The following SNTG1 variants were observed in gnomAD, a reference collection of about 807,000 sequenced individuals.
The protein encoded by SNTG1 is syntrophin gamma 1.
In SNTG1, 39 loss-of-function variants were observed where a neutral mutation model predicts 74.7. The ratio of observed to expected loss-of-function variants is 0.52; its 90% CI spans 0.40 to 0.68. The LOEUF is 0.68. Among genes scored for constraint, SNTG1 ranks in the 30% least tolerant of loss-of-function variants. The probability of loss-of-function intolerance (pLI) is 0.00; values close to 1 mark genes in which losing one functional copy is unlikely to be tolerated. For missense variants in SNTG1, 685 were observed against 609.5 expected (o/e 1.12, Z -1.30); for synonymous variants, 254 against 217.1 (o/e 1.17, Z -1.49).
chr8:50,428,674 C>A (rs548566216), intron 4 of SNTG1, among the ~76,000 whole-genome samples: 1 of 152,206 alleles, frequency 6.6e-6, no homozygotes, highest in South Asian at 2.1e-4. Flanking sequence ...AACCCAAAAC[C>A]CTGAGAGCTT....
chr8:50,130,870 T>G (rs1297165516), intron 1 of SNTG1, among the ~76,000 whole-genome samples: 1 of 152,058 alleles, frequency 6.6e-6, no homozygotes, highest in African/African-American at 2.4e-5. Flanking sequence ...CAGTATCATT[T>G]AGGATGGGAA....
intron 13 of SNTG1, among the ~76,000 whole-genome samples, chr8:50,611,894 A>G (rs2094852632): frequency 6.6e-6 from 1 of 152,050 alleles, no homozygotes; most frequent in Non-Finnish European, 1.5e-5. Flanking sequence ...AGCCTCCTCC[A>G]TAGCTGGGAC....
At chr8:50,568,414 T>A (rs948205769) in intron 12 of SNTG1, among the ~76,000 whole-genome samples, 18 of 152,218 alleles carry the variant, frequency 1.2e-4, no homozygotes, top group Middle Eastern at 3.4e-3. Context: ...TTGAGGAACC[T>A]CCCTACAGTT....
chr8:49,972,062 A>G (rs1455962643), intron 1 of SNTG1, among the ~76,000 whole-genome samples: 1 of 152,198 alleles, frequency 6.6e-6, no homozygotes, highest in Non-Finnish European at 1.5e-5. Context: ...TGCTAAGTCA[A>G]TCCTAAGCCA....
At chr8:49,934,425 TGGTATTTTCAAATTA>T (rs1288300476) in intron 1 of SNTG1, among the ~76,000 whole-genome samples, 2 of 152,116 alleles carry the variant, frequency 1.3e-5, no homozygotes, top group Non-Finnish European at 2.9e-5. Flanking sequence ...TATAATAGAA[TGGTATTTTCAAATTA>T]GGCAATTCAC....
chr8:50,587,319 G>A lies in SNTG1; in HGVS notation c.811-3560G>A, dbSNP rs1011249427. On this transcript the variant is annotated intron_variant, in intron 12 of 18. Coordinates refer to ENST00000642720, the MANE Select transcript of SNTG1 (RefSeq NM_018967.5). ...GAAATTAGAACATTTTGTAAGCATC[G>A]TATCTTATCAATCTTATCAATCTTA... Among the ~76,000 whole-genome samples, 16 of 151,416 alleles carry A rather than the reference G, an allele frequency of 1.1e-4. No homozygotes were observed. The East Asian group carries it at 1.4e-3, about 13-fold the overall frequency.
chr8:50,421,661 T>A (rs2093089192), intron 4 of SNTG1, among the ~76,000 whole-genome samples: 1 of 152,102 alleles, frequency 6.6e-6, no homozygotes, highest in African/African-American at 2.4e-5. Context: ...ATTGAGTTGC[T>A]CTGTTTCAAA....
intron 2 of SNTG1, among the ~76,000 whole-genome samples, chr8:50,301,281 A>G (rs2089633324): frequency 6.6e-6 from 1 of 152,036 alleles, no homozygotes; most frequent in South Asian, 2.1e-4. Context: ...GTGTGCTTTC[A>G]ACTGAGTGAT....
chr8:50,429,766 G>T (rs993014585), intron 4 of SNTG1, among the ~76,000 whole-genome samples: 3 of 152,014 alleles, frequency 2.0e-5, no homozygotes, highest in African/African-American at 7.2e-5. Flanking sequence ...TCCAGAAAGT[G>T]TAAAAAGTTC....
intron 5 of SNTG1, among the ~76,000 whole-genome samples, chr8:50,438,877 T>C (rs1395416457): frequency 6.6e-6 from 1 of 152,160 alleles, no homozygotes; most frequent in Non-Finnish European, 1.5e-5. Flanking sequence ...TTAAATATGA[T>C]GTCGTGTGCA....
intron 1 of SNTG1, among the ~76,000 whole-genome samples, chr8:50,103,369 G>A (rs946643426): frequency 2.0e-5 from 3 of 151,970 alleles, no homozygotes; most frequent in East Asian, 1.9e-4. Flanking sequence ...TTTGTCTGTT[G>A]TTGGTGTATA....
rs547310532 is a variant in SNTG1 at position 50,336,523 on chromosome 8, CA to C, written c.-27-57684del. On this transcript the variant is annotated intron_variant, in intron 2 of 18. Transcript: ENST00000642720. Reference sequence around the variant, plus strand: ...GTCTTTTTTTTCCTTATATTTTTAACAAAAACCTATTTATTTACATGCTGCA... The same window carrying C: ...GTCTTTTTTTTCCTTATATTTTTAACAAAACCTATTTATTTACATGCTGCA... Among the ~76,000 whole-genome samples, 908 of 152,140 alleles carry C rather than the reference CA, an allele frequency of 6.0e-3. 9 individuals carry two copies. The highest frequency in any genetic ancestry group is 7.5e-3 in the Non-Finnish European group (510 of 67,990).
intron 1 of SNTG1, among the ~76,000 whole-genome samples, chr8:50,073,091 G>A (rs1450439928): frequency 6.6e-6 from 1 of 152,086 alleles, no homozygotes; most frequent in Non-Finnish European, 1.5e-5. Flanking sequence ...TCAGTTGATT[G>A]TTCCTTTCAT....
At chr8:50,597,380 CACATATATACATATATACATATAT>C (rs58713973) in intron 13 of SNTG1, among the ~76,000 whole-genome samples, 19 of 131,442 alleles carry the variant, frequency 1.4e-4, no homozygotes, top group African/African-American at 2.4e-4. Context: ...TGTATATATA[CACATATATACATATATACATATAT>C]ACATATATAC....
intron 8 of SNTG1, among the ~76,000 whole-genome samples, chr8:50,500,838 A>G (rs1429360347): frequency 6.6e-6 from 1 of 152,136 alleles, no homozygotes; most frequent in Non-Finnish European, 1.5e-5. Context: ...AAGCTTTCCC[A>G]GGTCAGTGCT....
At chr8:50,047,359 A>G (rs1318777949) in intron 1 of SNTG1, among the ~76,000 whole-genome samples, 1 of 152,120 alleles carries the variant, frequency 6.6e-6, no homozygotes. Flanking sequence ...TTAGTTCAAC[A>G]TACAATCAAT....
intron 11 of SNTG1, among the ~76,000 whole-genome samples, chr8:50,548,366 A>T (rs1468078433): frequency 2.0e-5 from 3 of 152,182 alleles, no homozygotes; most frequent in African/African-American, 7.2e-5. Context: ...TCAGAAAAAT[A>T]ATAAGGTAAT....
intron 9 of SNTG1, among the ~76,000 whole-genome samples, chr8:50,518,250 G>T (rs1193016821): frequency 4.6e-5 from 7 of 152,110 alleles, no homozygotes; most frequent in Admixed American, 1.3e-4. Flanking sequence ...TAAGTTCTTT[G>T]AAACCAATGA....
At chr8:50,262,477 C>T (rs769125145) in intron 2 of SNTG1, among the ~76,000 whole-genome samples, 7 of 152,178 alleles carry the variant, frequency 4.6e-5, no homozygotes, top group Non-Finnish European at 7.3e-5. Flanking sequence ...GTGGTGCGAT[C>T]TCTGCTCACT....
Sources: gnomAD v4.1 joint callset for allele counts (sites outside exome capture counted in the v4.1 genomes callset) on GRCh38, gnomAD v4.1.1 for gene constraint, MANE v1.5 for transcripts, NCBI Gene and HGNC (gene_info 2026-07-23, HGNC 2026-07-21) for gene names.